The following CENPP variants were observed in gnomAD, a reference collection of about 807,000 sequenced individuals.
The protein encoded by CENPP is centromere protein P.
Under a neutral mutation model 35.6 loss-of-function variants are expected in CENPP, and 24 were observed. The observed-to-expected ratio is 0.67, with a 90% CI of 0.49 to 0.95. CENPP has a LOEUF of 0.95. Among genes scored for constraint, CENPP ranks in the 40% least tolerant of loss-of-function variants. CENPP has a pLI of 0.00. For synonymous variants in CENPP, 120 were observed against 125.5 expected (o/e 0.96, Z 0.29); for missense variants, 332 against 345.3 (o/e 0.96, Z 0.31).
chr9:92,599,583 AT>A (rs1850859935), intron 5 of CENPP, among the ~76,000 whole-genome samples: 1 of 151,820 alleles, frequency 6.6e-6, no homozygotes, highest in Admixed American at 6.6e-5. Flanking sequence ...CGCCTGGCTA[AT>A]TTTTGTATTT....
chr9:92,511,452 T>C (rs2131192542), intron 5 of CENPP, among the ~76,000 whole-genome samples: 1 of 151,514 alleles, frequency 6.6e-6, no homozygotes, highest in Non-Finnish European at 1.5e-5. Flanking sequence ...AAATATATAA[T>C]TAGTCCAATC....
At chr9:92,334,961 C>T (rs896040562) in intron 2 of CENPP, among the ~76,000 whole-genome samples, 1 of 151,530 alleles carries the variant, frequency 6.6e-6, no homozygotes, top group African/African-American at 2.4e-5. Flanking sequence ...CCGAGGCGGG[C>T]GAATCACTTG....
At chr9:92,565,322 A>AAAAAAAC in intron 5 of CENPP, among the ~76,000 whole-genome samples, 1 of 150,886 alleles carries the variant, frequency 6.6e-6, no homozygotes, top group Admixed American at 6.6e-5. Flanking sequence ...AAAAAAAAAA[A>AAAAAAAC]ATCATAATGT....
At chr9:92,522,295 C>T (rs1324177001) in intron 5 of CENPP, among the ~76,000 whole-genome samples, 3 of 152,046 alleles carry the variant, frequency 2.0e-5, no homozygotes, top group Non-Finnish European at 4.4e-5. Context: ...AACATGTTGG[C>T]CAGGCTGGTC....
intron 5 of CENPP, among the ~76,000 whole-genome samples, chr9:92,397,646 A>G (rs909836985): frequency 6.6e-6 from 1 of 152,232 alleles, no homozygotes; most frequent in East Asian, 1.9e-4. Context: ...GGTTTCTTTT[A>G]GTGGAGAATG....
At chr9:92,517,036 C>A (rs1847769748) in intron 5 of CENPP, 1 of 152,312 alleles carries the variant, frequency 6.6e-6, no homozygotes, top group Non-Finnish European at 1.5e-5. Flanking sequence ...GGCCTCCCTC[C>A]CAAGGGTCCT....
chr9:92,532,809 T>C (rs896230287), intron 5 of CENPP, among the ~76,000 whole-genome samples: 6 of 152,178 alleles, frequency 3.9e-5, no homozygotes, highest in Non-Finnish European at 7.3e-5. Flanking sequence ...TCTATGTGTC[T>C]ATTTCGGTTG....
At chr9:92,365,263 G>T (rs1206532589) in intron 4 of CENPP, among the ~76,000 whole-genome samples, 1 of 152,116 alleles carries the variant, frequency 6.6e-6, no homozygotes, top group East Asian at 1.9e-4. Context: ...TAAATAGCTT[G>T]ACTGGGGAAG....
chr9:92,468,033 T>C (rs529420954), intron 5 of CENPP, among the ~76,000 whole-genome samples: 14 of 152,322 alleles, frequency 9.2e-5, no homozygotes, highest in African/African-American at 3.1e-4. Context: ...GAATTATTAC[T>C]CTCCTTTTAG....
intron 5 of CENPP, chr9:92,401,035 A>G (rs574037388): frequency 2.5e-6 from 2 of 807,528 alleles, no homozygotes; most frequent in East Asian, 2.5e-5. Flanking sequence ...CAAGGAATAA[A>G]GTCCATTATA....
At chr9:92,499,219 C>G (rs571494544) in intron 5 of CENPP, among the ~76,000 whole-genome samples, 2 of 152,294 alleles carry the variant, frequency 1.3e-5, no homozygotes, top group Admixed American at 1.3e-4. Flanking sequence ...TATATTGATT[C>G]ACCAGAAAAA....
At chr9:92,440,824 G>A (rs1273204195) in intron 5 of CENPP, among the ~76,000 whole-genome samples, 2 of 152,138 alleles carry the variant, frequency 1.3e-5, no homozygotes, top group Non-Finnish European at 2.9e-5. Context: ...GCATCTACAG[G>A]GGATGTCTTG....
At chr9:92,369,275 G>C (rs1841956705) in intron 4 of CENPP, among the ~76,000 whole-genome samples, 1 of 152,134 alleles carries the variant, frequency 6.6e-6, no homozygotes, top group Non-Finnish European at 1.5e-5. Context: ...GGTCTCCGTG[G>C]GAAGGAATGG....
At chr9:92,605,140 C>T (rs918356168) in intron 5 of CENPP, among the ~76,000 whole-genome samples, 1 of 152,016 alleles carries the variant, frequency 6.6e-6, no homozygotes, top group Non-Finnish European at 1.5e-5. Flanking sequence ...ACCACCACAC[C>T]TGGCTAATTT....
At chr9:92,474,045 A>G (rs1051656738) in intron 5 of CENPP, among the ~76,000 whole-genome samples, 1 of 152,244 alleles carries the variant, frequency 6.6e-6, no homozygotes, top group Non-Finnish European at 1.5e-5. Context: ...CTTGAACGGG[A>G]CATGGCTGTG....
chr9:92,338,417 C>G (rs1014175445), intron 3 of CENPP, among the ~76,000 whole-genome samples: 1 of 152,166 alleles, frequency 6.6e-6, no homozygotes, highest in Non-Finnish European at 1.5e-5. Context: ...CAAGTCCCTT[C>G]TATAAAATCG....
At chr9:92,496,962 A>G (rs1381971159) in intron 5 of CENPP, among the ~76,000 whole-genome samples, 3 of 152,016 alleles carry the variant, frequency 2.0e-5, no homozygotes, top group Non-Finnish European at 4.4e-5. Flanking sequence ...AAAATCCAGA[A>G]GCTCATTAAC....
rs544857014 is a variant in CENPP, at chr9:92,453,756, G to C, written c.564+73897G>C. ...CCAAGCGGCAATTCTTTCAAAAAGG[G>C]ATTGAATTGTGAATGAAAGAGAAAT... is the stretch of plus-strand genomic sequence containing the variant. On this transcript the variant is annotated intron_variant, in intron 5 of 7. Coordinates refer to ENST00000375587, the MANE Select transcript of CENPP (RefSeq NM_001012267.3). 1.3e-4 allele frequency among the ~76,000 whole-genome samples: 20 copies of C among 152,278 alleles called. No individual in the cohort carries two copies. The East Asian group carries it at 3.3e-3, about 25-fold the overall frequency.
chr9:92,417,691 T>C (rs1843660320), intron 5 of CENPP: 1 of 635,140 alleles, frequency 1.6e-6, no homozygotes, highest in African/African-American at 1.9e-5. Context: ...TAAAAGAATA[T>C]CCAGAAAGAA....
Sources: gnomAD v4.1 joint callset for allele counts (sites outside exome capture counted in the v4.1 genomes callset) on GRCh38, gnomAD v4.1.1 for gene constraint, MANE v1.5 for transcripts, NCBI Gene and HGNC (gene_info 2026-07-23, HGNC 2026-07-21) for gene names.